CEP63: variants seen among roughly 807,000 people sequenced by gnomAD.
CEP63 encodes the protein centrosomal protein 63.
Under a neutral mutation model 89.1 loss-of-function variants are expected in CEP63, and 84 were observed. That is an observed-to-expected ratio of 0.94 (90% confidence interval 0.79 to 1.13). The LOEUF (loss-of-function observed/expected upper bound fraction) is 1.13. CEP63 is among the 50% of genes most tolerant of loss of function. CEP63 has a pLI of 0.00. For missense variants in CEP63, 838 were observed against 813.3 expected, an observed-to-expected ratio of 1.03 and a Z score of -0.37; for synonymous variants, 267 against 272.5, an observed-to-expected ratio of 0.98 and a Z score of 0.20.
the CEP63 span, among the ~76,000 whole-genome samples, chr3:134,655,913 AG>A: frequency 1.3e-5 from 2 of 152,178 alleles, no homozygotes; most frequent in Non-Finnish European, 2.9e-5. Flanking sequence ...CAGTGGCAGT[AG>A]TAAAAAGTTG....
At chr3:134,604,295 T>A in the CEP63 span, 1 of 1,614,008 alleles carries the variant, frequency 6.2e-7, no homozygotes, top group Non-Finnish European at 8.5e-7. Context: ...GAGCTGTAGA[T>A]GTCGGAGTTG....
At chr3:134,551,115 A>C (rs1285394370) in intron 11 of CEP63, among the ~76,000 whole-genome samples, 1 of 152,200 alleles carries the variant, frequency 6.6e-6, no homozygotes, top group Non-Finnish European at 1.5e-5. Context: ...CAGACTGGGG[A>C]AACTGGTGGA....
chr3:134,558,007 C>G, intron 12 of CEP63, 135 bp from the exon 13 acceptor site: 1 of 734,742 alleles, frequency 1.4e-6, no homozygotes, highest in Non-Finnish European at 2.4e-6. Context: ...TCTTAGGAGG[C>G]CTAAAAACAA....
At chr3:134,627,215 A>T in the CEP63 span, among the ~76,000 whole-genome samples, 1 of 152,254 alleles carries the variant, frequency 6.6e-6, no homozygotes, top group Admixed American at 6.5e-5. Flanking sequence ...TTAAAACATC[A>T]GTATCATTAA....
chr3:134,726,863 G>A, the CEP63 span, among the ~76,000 whole-genome samples: 1 of 152,280 alleles, frequency 6.6e-6, no homozygotes, highest in African/African-American at 2.4e-5. Context: ...ACTGCCGGCC[G>A]GAGCACGGGG....
chr3:134,712,754 G>T, the CEP63 span, among the ~76,000 whole-genome samples: 2 of 152,276 alleles, frequency 1.3e-5, no homozygotes, highest in African/African-American at 4.8e-5. Flanking sequence ...CTGCAGGGAC[G>T]TCAGGCAGGT....
In CEP63 at chr3:134,495,342, A is replaced by T. The variant is rs1226483900; in HGVS notation, c.22A>T (p.Ile8Leu). 16 of 1,613,588 alleles carry T rather than the reference A, an allele frequency of 9.9e-6. No individual in the cohort carries two copies. Among genetic ancestry groups the T allele is most frequent in the Non-Finnish European group, 1.4e-5 (16 of 1,179,694 alleles). The change falls in exon 2 of 15, where the codon ATA becomes TTA. Residue 8 changes from isoleucine (I) to leucine (L), a missense_variant. Physicochemically the swap from Ile to Leu is conservative, Grantham distance 5. Coordinates refer to ENST00000675561, the MANE Select transcript of CEP63 (RefSeq NM_001353108.3). Reference sequence around the variant, plus strand: ...GGTGATGGAGGCTTTGTTAGAAGGAATACAAAATCGAGGGCATGGTGGGTA... The same window carrying T: ...GGTGATGGAGGCTTTGTTAGAAGGATTACAAAATCGAGGGCATGGTGGGTA... MEALLEG[I>L]QNRGHGGGFL...
the CEP63 span, among the ~76,000 whole-genome samples, chr3:134,762,481 C>A: frequency 6.6e-6 from 1 of 152,022 alleles, no homozygotes; most frequent in Non-Finnish European, 1.5e-5. Flanking sequence ...AGAACATGAC[C>A]GTATTTCAGG....
rs759733240 is a variant in CEP63, at chr3:134,547,410, G to T, written c.1005G>T (p.Gln335His). 5 of 1,613,836 alleles carry T rather than the reference G, an allele frequency of 3.1e-6. No homozygotes were observed. Among genetic ancestry groups the T allele is most frequent in the Non-Finnish European group, 4.2e-6 (5 of 1,179,804 alleles). ...GGGACTTAGACAGTGTGCTCTCCCA[G>T]TTGAATTTTACCCATACTAGTGAGG... The part of the protein sequence containing the change: ...GQGDLDSVLS[Q>H]LNFTHTSEDL... The change falls in exon 9 of 15, where the codon CAG becomes CAT. Residue 335 changes from glutamine to histidine, a missense_variant. Physicochemically the swap from Gln to His is conservative, Grantham distance 24. Transcript: ENST00000675561.
At chr3:134,516,257 A>G (rs564533915) in intron 3 of CEP63, among the ~76,000 whole-genome samples, 1 of 152,222 alleles carries the variant, frequency 6.6e-6, no homozygotes, top group African/African-American at 2.4e-5. Flanking sequence ...ATATGCATAC[A>G]CATAAACATC....
chr3:134,558,126 T>G lies in CEP63; in HGVS notation c.1468-16T>G. 2.5e-6 allele frequency: 4 copies of G among 1,588,658 alleles called. No homozygotes were observed. The highest frequency in any genetic ancestry group is 3.5e-6 in the Non-Finnish European group (4 of 1,157,470). ...TCTTGTACAGATTAAGTGACTCTAG[T>G]ATTCTTTTTTATTAGGCAAAAGAGA... is the stretch of plus-strand genomic sequence containing the variant. On this transcript the variant is annotated splice_polypyrimidine_tract_variant and intron_variant, in intron 12 of 14. Transcript: ENST00000675561.
rs1412610925 is a variant in CEP63, at chr3:134,559,413, A to T, written c.1937A>T (p.Glu646Val). Residue 646 changes from glutamate to valine, a missense_variant, in exon 14 of 15, where the codon GAA becomes GTA. Transcript: ENST00000675561. ...DTMSESMNDQ[E>V]EFISSCSLPV... ...ATGTCTGAGAGTATGAATGACCAAG[A>T]AGAGTTTATATCTTCGGTATGGAAA... 2 of 1,613,694 alleles carry T rather than the reference A, an allele frequency of 1.2e-6. No individual in the cohort carries two copies. Among genetic ancestry groups the T allele is most frequent in the Non-Finnish European group, 1.7e-6 (2 of 1,179,624 alleles).
chr3:134,641,762 G>A, the CEP63 span, among the ~76,000 whole-genome samples: 1 of 152,070 alleles, frequency 6.6e-6, no homozygotes, highest in Non-Finnish European at 1.5e-5. Flanking sequence ...CATCCTTCCT[G>A]CTTTACTTCC....
Position 134,495,353 on chromosome 3 carries a change from A to G in CEP63, c.33A>G (p.Arg11=), listed in dbSNP as rs138250945. The G allele has an allele frequency of 3.1e-6, 5 of 1,612,812 alleles. No individual in the cohort carries two copies. In the African/African-American group the frequency reaches 5.3e-5, roughly 17 times the overall value. The part of the protein sequence containing the change: MEALLEGIQN[R]GHGGGFLTSC... The stretch of plus-strand genomic sequence containing the variant: ...CTTTGTTAGAAGGAATACAAAATCG[A>G]GGGCATGGTGGGTAAGTTTGCTTTT... Residue 11 remains arginine (R), a synonymous_variant, in exon 2 of 15, where the codon CGA becomes CGG. Transcript: ENST00000675561.
the CEP63 span, among the ~76,000 whole-genome samples, chr3:134,734,747 C>T: frequency 5.3e-5 from 8 of 152,022 alleles, no homozygotes; most frequent in African/African-American, 2.4e-5. Context: ...ATAAAGTTGC[C>T]GTAAACACTG....
At position 134,553,447 on chromosome 3, in the gene CEP63, A is replaced by T. The variant is rs537819297; in HGVS notation, c.1467+1435A>T. 5.3e-5 allele frequency: 8 copies of T among 152,280 alleles called. No homozygotes were observed. In the East Asian group the frequency reaches 1.5e-3, roughly 29 times the overall value. 9.4% of individuals were successfully genotyped at this position (152,280 alleles called of 1,614,324 possible). On this transcript the variant is annotated intron_variant, in intron 12 of 14. Coordinates refer to ENST00000675561, the MANE Select transcript of CEP63 (RefSeq NM_001353108.3). ...CAAAAGGTTAATGTAAATTATTAAT[A>T]TATAAAAATTCCCTACAAAGATAAT...
the CEP63 span, among the ~76,000 whole-genome samples, chr3:134,727,397 G>C: frequency 3.3e-5 from 5 of 152,302 alleles, no homozygotes; most frequent in East Asian, 7.7e-4. Flanking sequence ...TTATGTGCTT[G>C]GCAAACACAG....
chr3:134,574,397 A>T (rs971200919), intron 11 of CEP63, among the ~76,000 whole-genome samples: 2 of 152,142 alleles, frequency 1.3e-5, no homozygotes, highest in Non-Finnish European at 2.9e-5. Context: ...ACCTAAACTT[A>T]AACACTACAA....
At chr3:134,733,366 C>CA in the CEP63 span, among the ~76,000 whole-genome samples, 1,170 of 141,570 alleles carry the variant, frequency 8.3e-3, 3 homozygotes, top group African/African-American at 0.02. Context: ...ACTTTAAAGA[C>CA]AAAAAAAAAA....
Sources: allele counts gnomAD v4.1 joint callset (sites outside exome capture counted in the v4.1 genomes callset), GRCh38; gene constraint gnomAD v4.1.1; transcripts MANE v1.5; gene names NCBI Gene and HGNC (gene_info 2026-07-23, HGNC 2026-07-21).